The following PTPN5 variants were observed in gnomAD, a reference collection of about 807,000 sequenced individuals.
PTPN5 encodes the protein tyrosine-protein phosphatase non-receptor type 5.
A neutral mutation model predicts 73.9 loss-of-function variants in PTPN5; 29 were observed. The ratio of observed to expected loss-of-function variants is 0.39; its 90% CI spans 0.29 to 0.54. The LOEUF is 0.54. PTPN5 is among the 20% of genes least tolerant of loss of function. PTPN5 has a pLI of 0.65. For synonymous variants in PTPN5, 267 were observed against 304.7 expected (o/e 0.88, Z 1.29); for missense variants, 652 against 751.4 (o/e 0.87, Z 1.55).
At chr11:18,730,565 T>G (rs1422377262) in intron 12 of PTPN5, 1 of 152,222 alleles carries the variant, frequency 6.6e-6, no homozygotes, top group Non-Finnish European at 1.5e-5. Flanking sequence ...TCAGTGCTCT[T>G]ACAAAAGGAG....
At chr11:18,732,731 C>G (rs763740944) in intron 11 of PTPN5, 29 bp from the exon 12 acceptor site, 16 of 1,573,766 alleles carry the variant, frequency 1.0e-5, no homozygotes, top group Non-Finnish European at 1.2e-5. Flanking sequence ...GGCTGCCATA[C>G]AATCCTGTTC....
intron 3 of PTPN5, among the ~76,000 whole-genome samples, chr11:18,757,282 C>CAGTG (rs901776762): frequency 3.3e-4 from 51 of 152,298 alleles, no homozygotes; most frequent in African/African-American, 1.1e-3. Context: ...AGGGATGGAG[C>CAGTG]AGTGCAGGGT....
chr11:18,783,622 A>G (rs943551584), intron 1 of PTPN5, among the ~76,000 whole-genome samples: 5 of 152,184 alleles, frequency 3.3e-5, no homozygotes, highest in African/African-American at 1.2e-4. Flanking sequence ...TCTTCACTGA[A>G]CTGTCACCAA....
intron 8 of PTPN5, among the ~76,000 whole-genome samples, chr11:18,738,903 C>A (rs913547748): frequency 6.8e-6 from 1 of 147,744 alleles, no homozygotes; most frequent in Non-Finnish European, 1.5e-5. Flanking sequence ...AACTGGAAGG[C>A]GGAGGTTGCA....
chr11:18,771,264 G>A (rs576782892), intron 2 of PTPN5, among the ~76,000 whole-genome samples: 7 of 152,212 alleles, frequency 4.6e-5, no homozygotes, highest in South Asian at 2.1e-4. Context: ...ATCTCTATTC[G>A]CTGAATCAAA....
intron 9 of PTPN5, among the ~76,000 whole-genome samples, chr11:18,735,415 G>A (rs1176809836): frequency 6.6e-6 from 1 of 152,152 alleles, no homozygotes; most frequent in Non-Finnish European, 1.5e-5. Flanking sequence ...TTGTCTGCAG[G>A]CAATGCTGTT....
rs565819079 is a variant in PTPN5, at chr11:18,749,554, C to G, written c.98-5355G>C. 5 of 516,632 alleles carry G rather than the reference C, an allele frequency of 9.7e-6. No homozygotes were observed. The East Asian group carries it at 2.7e-4, about 28-fold the overall frequency. The allele number at this position is 516,632 out of a possible 1,614,324, so 32.0% of individuals were successfully genotyped here. A position where few individuals can be genotyped will look rare whatever the true frequency, so the allele number is the denominator to read the frequency against. On this transcript the variant is annotated intron_variant, in intron 3 of 14. Coordinates refer to ENST00000358540, the MANE Select transcript of PTPN5 (RefSeq NM_006906.2). Reference sequence around the variant, plus strand: ...CACGGTGCAGATTTTGTGCCTGGTCCCCAGCTGATGAAGCCTCAAAGTATA... The same window carrying G: ...CACGGTGCAGATTTTGTGCCTGGTCGCCAGCTGATGAAGCCTCAAAGTATA...
intron 1 of PTPN5, among the ~76,000 whole-genome samples, chr11:18,776,287 A>C (rs1294528712): frequency 2.0e-5 from 3 of 152,036 alleles, no homozygotes; most frequent in Non-Finnish European, 2.9e-5. Context: ...CCTCCACTGG[A>C]AAGCCCCCTT....
At chr11:18,770,803 T>C (rs1850852433) in intron 2 of PTPN5, among the ~76,000 whole-genome samples, 1 of 152,226 alleles carries the variant, frequency 6.6e-6, no homozygotes, top group Admixed American at 6.5e-5. Flanking sequence ...CAGTGCTGGG[T>C]GCTGGAGATC....
chr11:18,744,303 A>T lies in PTPN5; in HGVS notation c.98-104T>A, dbSNP rs1017805612. The T allele has an allele frequency of 3.0e-5, 30 of 1,006,552 alleles. No individual in the cohort carries two copies. The East Asian group carries it at 9.0e-4, about 30-fold the overall frequency. 62.4% of individuals were successfully genotyped at this position (1,006,552 alleles called of 1,614,324 possible). On this transcript the variant is annotated intron_variant, in intron 3 of 14. Coordinates refer to ENST00000358540, the MANE Select transcript of PTPN5 (RefSeq NM_006906.2). ...TGTGGCTGCCTCTCAATCTGGGATC[A>T]GTCAGCGTGGCTCCACTTCCAGCAG...
At chr11:18,738,832 C>G (rs1208157518) in intron 8 of PTPN5, among the ~76,000 whole-genome samples, 1 of 152,004 alleles carries the variant, frequency 6.6e-6, no homozygotes, top group Non-Finnish European at 1.5e-5. Flanking sequence ...ATTAGCTGGA[C>G]CTGGTGGCGG....
intron 8 of PTPN5, among the ~76,000 whole-genome samples, chr11:18,738,564 CCT>C (rs770416657): frequency 7.2e-5 from 11 of 152,274 alleles, no homozygotes; most frequent in Middle Eastern, 3.4e-3. Flanking sequence ...CTGTTTCTCC[CCT>C]GTTGTTAATC....
At chr11:18,781,410 C>T (rs978609574) in intron 1 of PTPN5, among the ~76,000 whole-genome samples, 1 of 148,164 alleles carries the variant, frequency 6.7e-6, no homozygotes, top group African/African-American at 2.5e-5. Flanking sequence ...GCCTCCGCCT[C>T]CCGGGTTTAA....
intron 5 of PTPN5, 74 bp downstream of exon 5, chr11:18,743,248 G>C: frequency 7.0e-7 from 1 of 1,418,750 alleles, no homozygotes; most frequent in Non-Finnish European, 1.0e-6. Flanking sequence ...AGCCCAATCT[G>C]GAGGTTGGGG....
At chr11:18,779,897 T>C (rs543605014) in intron 1 of PTPN5, among the ~76,000 whole-genome samples, 6 of 152,290 alleles carry the variant, frequency 3.9e-5, no homozygotes, top group African/African-American at 1.4e-4. Flanking sequence ...TGAGTCTCAA[T>C]TTCCTCCCAC....
Position 18,727,948 on chromosome 11 carries a change from C to T in PTPN5, c.*986G>A, listed in dbSNP as rs1848704097. On this transcript the variant is annotated 3_prime_UTR_variant, in exon 15 of 15. Transcript: ENST00000358540. The stretch of plus-strand genomic sequence containing the variant: ...GGAGGTTAGTTTTGCTCAAAATGCT[C>T]CGTTTATTGCTCTATTCAATGACCA... 3.3e-5 allele frequency: 5 copies of T among 152,568 alleles called. No homozygotes were observed. The allele number at this position is 152,568 out of a possible 1,614,324, so 9.5% of individuals were successfully genotyped here.
chr11:18,777,769 G>A lies in PTPN5; in HGVS notation c.-113-5698C>T, dbSNP rs1462650576. On this transcript the variant is annotated intron_variant, in intron 1 of 14. Coordinates refer to ENST00000358540, the MANE Select transcript of PTPN5 (RefSeq NM_006906.2). ...GAGACCAGCTTGGGAAAAACAGTGAGATCCCATCTCACCAAAAAATAATAT... is the reference window on the plus strand; with the variant it reads ...GAGACCAGCTTGGGAAAAACAGTGAAATCCCATCTCACCAAAAAATAATAT... Among the ~76,000 whole-genome samples the A allele has an allele frequency of 2.0e-5, 3 of 152,214 alleles. No homozygotes were observed. In the East Asian group the frequency reaches 5.8e-4, roughly 29 times the overall value.
chr11:18,736,556 GAACA>G (rs1336386423), intron 9 of PTPN5, among the ~76,000 whole-genome samples: 6 of 152,210 alleles, frequency 3.9e-5, no homozygotes, highest in Non-Finnish European at 8.8e-5. Context: ...GTGAATGAGA[GAACA>G]AACCTCAGCG....
At chr11:18,739,892 G>C (rs936977845) in intron 8 of PTPN5, among the ~76,000 whole-genome samples, 1 of 152,218 alleles carries the variant, frequency 6.6e-6, no homozygotes, top group African/African-American at 2.4e-5. Context: ...GGCAAGGTCC[G>C]AGATGTGCCG....
Sources: gnomAD v4.1 joint callset for allele counts (sites outside exome capture counted in the v4.1 genomes callset) on GRCh38, gnomAD v4.1.1 for gene constraint, MANE v1.5 for transcripts, NCBI Gene and HGNC (gene_info 2026-07-23, HGNC 2026-07-21) for gene names.